CABIN1: variants seen among roughly 807,000 people sequenced by gnomAD.
The protein encoded by CABIN1 is calcineurin binding protein 1, also known as calcineurin-binding protein cabin-1.
In CABIN1, 133 loss-of-function variants were observed where a neutral mutation model predicts 227.7. That is an observed-to-expected ratio of 0.58 (90% CI 0.51 to 0.67). The LOEUF is 0.67. CABIN1 is among the 30% of genes least tolerant of loss of function. The pLI is 0.00. For synonymous variants in CABIN1, 1,086 were observed against 1,155.1 expected (o/e 0.94, Z 1.21); for missense variants, 2,408 against 2,852.5 (o/e 0.84, Z 3.55).
intron 28 of CABIN1, among the ~76,000 whole-genome samples, chr22:24,121,904 C>T (rs947891097): frequency 6.6e-6 from 1 of 152,246 alleles, no homozygotes; most frequent in Non-Finnish European, 1.5e-5. Flanking sequence ...GACCCTTCCT[C>T]ATCCTGTTAC....
At chr22:24,098,756 A>G (rs890211694) in intron 26 of CABIN1, among the ~76,000 whole-genome samples, 1 of 152,142 alleles carries the variant, frequency 6.6e-6, no homozygotes, top group Non-Finnish European at 1.5e-5. Flanking sequence ...ATTCCTTACT[A>G]ACATTAGGAG....
At chr22:24,021,254 A>G (rs2035705912) in intron 1 of CABIN1, among the ~76,000 whole-genome samples, 3 of 151,848 alleles carry the variant, frequency 2.0e-5, no homozygotes, top group Admixed American at 2.0e-4. Context: ...TCCTGGAGTC[A>G]AAGGATCCTC....
intron 18 of CABIN1, among the ~76,000 whole-genome samples, 198 bp from the exon 19 acceptor site, chr22:24,075,971 C>T (rs900201192): frequency 4.2e-5 from 6 of 144,086 alleles, no homozygotes; most frequent in South Asian, 2.2e-4. Flanking sequence ...TTTTGATAAG[C>T]GTGTATTGCT....
chr22:24,032,122 C>CTA (rs1254399962), intron 1 of CABIN1, among the ~76,000 whole-genome samples: 1 of 152,210 alleles, frequency 6.6e-6, no homozygotes, highest in African/African-American at 2.4e-5. Flanking sequence ...AGTTGAAATG[C>CTA]TATACCCATT....
At chr22:24,015,018 C>T (rs1052320091) in intron 1 of CABIN1, among the ~76,000 whole-genome samples, 5 of 151,984 alleles carry the variant, frequency 3.3e-5, no homozygotes, top group African/African-American at 1.2e-4. Context: ...AATCCCAGCA[C>T]TTTAGGAGGC....
intron 26 of CABIN1, chr22:24,103,254 C>A (rs2042317983): frequency 6.6e-6 from 1 of 152,134 alleles, no homozygotes; most frequent in Non-Finnish European, 1.5e-5. Context: ...GGGGCCTCTT[C>A]TCCACTGCCC....
intron 23 of CABIN1, among the ~76,000 whole-genome samples, chr22:24,088,976 G>C (rs1446689352): frequency 6.6e-6 from 1 of 152,172 alleles, no homozygotes; most frequent in Non-Finnish European, 1.5e-5. Context: ...TGTTTGTGTT[G>C]CAGTGGCCCC....
Position 24,102,038 on chromosome 22 carries a change from G to A in CABIN1, c.4117+3846G>A, listed in dbSNP as rs537804771. On this transcript the variant is annotated intron_variant, in intron 26 of 36. Transcript: ENST00000263119. ...TGTTTCCCCAAGAGGAACCTGAGCT[G>A]AGGGCAGGTAGGCACTCATCCAAAA... 3.3e-5 allele frequency among the ~76,000 whole-genome samples: 5 copies of A among 152,320 alleles called. No homozygotes were observed. In the South Asian group the frequency reaches 6.2e-4, roughly 19 times the overall value.
In CABIN1 at chr22:24,083,298, A is replaced by C; in HGVS notation, c.2819A>C (p.Glu940Ala). The change falls in exon 20 of 37, where the codon GAG (glutamate) becomes GCG (alanine). Residue 940 changes from glutamate (E) to alanine (A), a missense_variant. Glu to Ala is a moderately radical substitution (Grantham distance 107). Coordinates refer to ENST00000263119, the MANE Select transcript of CABIN1 (RefSeq NM_012295.4). Reference sequence around the variant, plus strand: ...ACGCACCCTTACAAGGAGGAGCTGGAGACAGCCTTGGAGCAGTGCTTCTAC... The same window carrying C: ...ACGCACCCTTACAAGGAGGAGCTGGCGACAGCCTTGGAGCAGTGCTTCTAC... ...EDTHPYKEEL[E>A]TALEQCFYCL... The C allele has an allele frequency of 6.2e-7, 1 of 1,613,666 alleles. No homozygotes were observed. The highest frequency in any genetic ancestry group is 1.1e-5 in the South Asian group (1 of 91,044).
chr22:24,153,651 G>T (rs1374764308), intron 29 of CABIN1, among the ~76,000 whole-genome samples: 1 of 152,172 alleles, frequency 6.6e-6, no homozygotes, highest in Non-Finnish European at 1.5e-5. Context: ...TTACCTGTCA[G>T]ACATGGCAGT....
chr22:24,134,918 A>G (rs2044299596), intron 29 of CABIN1, among the ~76,000 whole-genome samples: 1 of 145,894 alleles, frequency 6.9e-6, no homozygotes, highest in Admixed American at 6.9e-5. Context: ...TCTTTACTAA[A>G]TATACAAAAA....
Position 24,049,094 on chromosome 22 carries a change from G to T in CABIN1, c.530G>T (p.Cys177Phe). Residue 177 changes from cysteine (C) to phenylalanine (F), a missense_variant, in exon 7 of 37, where the codon TGT (cysteine) becomes TTT (phenylalanine). Around this residue, in one of 3 missense-constraint regions of CABIN1, gnomAD observed 1,045 missense variants for 1,168.4 expected, o/e 0.89. Coordinates refer to ENST00000263119, the MANE Select transcript of CABIN1 (RefSeq NM_012295.4). ...VLYTLSDYTT[C>F]LYFICKALEK... ...AAACTGTCTCTTTCCCCGCCAGCATGTCTGTACTTCATCTGCAAAGCTTTG... is the reference window on the plus strand; with the variant it reads ...AAACTGTCTCTTTCCCCGCCAGCATTTCTGTACTTCATCTGCAAAGCTTTG... 1 of 1,613,956 alleles carries T rather than the reference G, an allele frequency of 6.2e-7. No individual in the cohort carries two copies. The highest frequency in any genetic ancestry group is 8.5e-7 in the Non-Finnish European group (1 of 1,179,956).
chr22:24,068,486 C>G (rs1410201740), intron 16 of CABIN1, among the ~76,000 whole-genome samples: 1 of 152,198 alleles, frequency 6.6e-6, no homozygotes, highest in Non-Finnish European at 1.5e-5. Context: ...GCAGGATACC[C>G]CATTGATGGG....
At chr22:24,117,922 A>G (rs552234500) in intron 27 of CABIN1, among the ~76,000 whole-genome samples, 2 of 152,348 alleles carry the variant, frequency 1.3e-5, no homozygotes, top group South Asian at 4.1e-4. Context: ...ATTTTTTAAT[A>G]AAGTGATGGT....
chr22:24,056,091 A>G (rs2038774164), intron 9 of CABIN1, 101 bp from the exon 10 acceptor site: 1 of 1,004,782 alleles, frequency 1.0e-6, no homozygotes, highest in African/African-American at 1.6e-5. Context: ...AAAGAGTTTA[A>G]TGCTAGTAGA....
chr22:24,049,338 T>G (rs911140793), intron 7 of CABIN1, 118 bp downstream of exon 7: 2 of 1,253,978 alleles, frequency 1.6e-6, no homozygotes, highest in African/African-American at 2.9e-5. Flanking sequence ...GCTCTGGGGC[T>G]TCATGCCCTG....
intron 29 of CABIN1, among the ~76,000 whole-genome samples, chr22:24,136,276 C>T (rs1034181473): frequency 1.3e-5 from 2 of 151,754 alleles, no homozygotes; most frequent in African/African-American, 4.8e-5. Flanking sequence ...AGAACCCACC[C>T]ATTCTTTTTG....
At chr22:24,061,879 C>A in intron 12 of CABIN1, 68 bp from the exon 13 acceptor site, 1 of 1,115,002 alleles carries the variant, frequency 9.0e-7, no homozygotes, top group Non-Finnish European at 1.4e-6. Flanking sequence ...CTTCCACAGC[C>A]CCCTACCCCC....
At chr22:24,122,924 T>C (rs2043505541) in intron 28 of CABIN1, among the ~76,000 whole-genome samples, 1 of 152,120 alleles carries the variant, frequency 6.6e-6, no homozygotes, top group South Asian at 2.1e-4. Flanking sequence ...CCTTCTACTT[T>C]GCATCTGGGA....
Sources: allele counts gnomAD v4.1 joint callset (sites outside exome capture counted in the v4.1 genomes callset), GRCh38; gene constraint gnomAD v4.1.1; regional missense constraint gnomAD v4.1.1; transcripts MANE v1.5; gene names NCBI Gene and HGNC (gene_info 2026-07-23, HGNC 2026-07-21).